INPP4B: variants seen among roughly 807,000 people sequenced by gnomAD.
INPP4B encodes the protein inositol polyphosphate 4-phosphatase type II.
INPP4B carries 55 observed loss-of-function variants against 122.5 expected under a neutral mutation model. The observed-to-expected ratio is 0.45, with a 90% CI of 0.36 to 0.56. The LOEUF (loss-of-function observed/expected upper bound fraction) is 0.56. INPP4B is among the 20% of genes least tolerant of loss of function. The pLI is 0.00. For synonymous variants in INPP4B, 403 were observed against 388.7 expected, an observed-to-expected ratio of 1.04 and a Z score of -0.43; for missense variants, 1,000 against 1,097.7, an observed-to-expected ratio of 0.91 and a Z score of 1.26.
chr4:142,834,295 T>C (rs1177776215), intron 1 of INPP4B, among the ~76,000 whole-genome samples: 1 of 152,202 alleles, frequency 6.6e-6, no homozygotes, highest in Admixed American at 6.6e-5. Context: ...TCTGAGGTGA[T>C]TATTATTCGT....
intron 1 of INPP4B, among the ~76,000 whole-genome samples, chr4:142,740,068 A>G (rs998192800): frequency 2.6e-5 from 4 of 152,052 alleles, no homozygotes; most frequent in African/African-American, 9.7e-5. Flanking sequence ...AGAGGAATTA[A>G]CATTTTAAAA....
At chr4:142,288,736 C>A (rs1026363541) in intron 9 of INPP4B, among the ~76,000 whole-genome samples, 1 of 151,946 alleles carries the variant, frequency 6.6e-6, no homozygotes, top group Non-Finnish European at 1.5e-5. Flanking sequence ...AACATAACAG[C>A]GATATAGTAT....
In INPP4B at chr4:142,223,648, A is replaced by G. The variant is rs116390576; in HGVS notation, c.836+14216T>C. On this transcript the variant is annotated intron_variant, in intron 12 of 25. Transcript: ENST00000262992. ...TAAGTGATACCAGGAATCCATAACA[A>G]TGAACTTAATGACACACAGCATCTG... 4.9e-3 allele frequency among the ~76,000 whole-genome samples: 741 copies of G among 152,304 alleles called. 9 individuals are homozygous for G. The highest frequency in any genetic ancestry group is 0.017 in the African/African-American group (707 of 41,556).
chr4:142,646,426 A>C (rs1751789745), intron 2 of INPP4B, among the ~76,000 whole-genome samples: 1 of 152,208 alleles, frequency 6.6e-6, no homozygotes, highest in South Asian at 2.1e-4. Flanking sequence ...ATAGTATCAG[A>C]TTTCTTTATA....
At chr4:142,269,817 A>G (rs943388619) in intron 10 of INPP4B, among the ~76,000 whole-genome samples, 2 of 152,168 alleles carry the variant, frequency 1.3e-5, no homozygotes, top group African/African-American at 4.8e-5. Flanking sequence ...ATTACATTGT[A>G]CCCCAGAAGT....
chr4:142,345,716 CA>C (rs143170989), intron 7 of INPP4B, among the ~76,000 whole-genome samples: 16,862 of 151,534 alleles, frequency 0.11, 995 homozygotes, highest in East Asian at 0.18. Context: ...AGAGTAAAAA[CA>C]AAAAAATAGA....
intron 21 of INPP4B, among the ~76,000 whole-genome samples, chr4:142,117,656 C>T (rs1005422975): frequency 1.3e-5 from 2 of 152,062 alleles, no homozygotes; most frequent in Non-Finnish European, 2.9e-5. Context: ...ATCGATGGGA[C>T]GTATCTCAAA....
intron 25 of INPP4B, among the ~76,000 whole-genome samples, chr4:142,052,634 C>T (rs998341708): frequency 7.3e-5 from 11 of 151,292 alleles, no homozygotes; most frequent in Non-Finnish European, 1.5e-4. Flanking sequence ...CCTTTTTTCC[C>T]ATTTGGGCAT....
chr4:142,589,217 A>G lies in INPP4B; in HGVS notation c.-190-126491T>C, dbSNP rs138073677. Among the ~76,000 whole-genome samples the G allele has an allele frequency of 8.3e-4, 126 of 152,190 alleles. 2 individuals carry two copies. Among genetic ancestry groups the G allele is most frequent in the Middle Eastern group, 3.4e-3 (1 of 294 alleles). ...CCTAAATGTAGAATATAAAAGCTAT[A>G]CTCGATGTCCTTTTATTTGGTGGTG... On this transcript the variant is annotated intron_variant, in intron 2 of 25. Transcript: ENST00000262992.
chr4:142,838,120 C>A (rs993594960), intron 1 of INPP4B, among the ~76,000 whole-genome samples: 4 of 150,872 alleles, frequency 2.7e-5, no homozygotes, highest in Non-Finnish European at 5.9e-5. Context: ...ATCAATAATT[C>A]AATTGAATTG....
chr4:142,432,547 T>C (rs1284209518), intron 3 of INPP4B, among the ~76,000 whole-genome samples: 1 of 152,154 alleles, frequency 6.6e-6, no homozygotes, highest in Non-Finnish European at 1.5e-5. Flanking sequence ...TTGAACATTA[T>C]GTTTTGAATT....
intron 7 of INPP4B, among the ~76,000 whole-genome samples, chr4:142,319,449 C>T (rs956148725): frequency 2.6e-5 from 4 of 152,156 alleles, no homozygotes; most frequent in African/African-American, 9.7e-5. Flanking sequence ...GAAGGAGACA[C>T]ATAAGTGTCT....
intron 17 of INPP4B, among the ~76,000 whole-genome samples, chr4:142,150,138 AG>A (rs1276698318): frequency 6.6e-6 from 1 of 152,218 alleles, no homozygotes; most frequent in African/African-American, 2.4e-5. Context: ...GCCAGTCCAC[AG>A]GGGAAATGCC....
At chr4:142,383,154 T>C (rs1241198084) in intron 7 of INPP4B, among the ~76,000 whole-genome samples, 2 of 152,164 alleles carry the variant, frequency 1.3e-5, no homozygotes, top group Admixed American at 1.3e-4. Context: ...GGTCCGAGTA[T>C]AATTTTTTTC....
chr4:142,064,625 C>CT (rs1214053448), intron 25 of INPP4B, among the ~76,000 whole-genome samples: 2 of 151,942 alleles, frequency 1.3e-5, no homozygotes, highest in African/African-American at 4.8e-5. Flanking sequence ...GCATTTTTCC[C>CT]TTTTTTTCTG....
chr4:142,481,076 A>C (rs1243620013), intron 2 of INPP4B, among the ~76,000 whole-genome samples: 1 of 148,912 alleles, frequency 6.7e-6, no homozygotes, highest in Non-Finnish European at 1.5e-5. Flanking sequence ...CAGAGGTTTC[A>C]GTGAACCAAG....
intron 12 of INPP4B, among the ~76,000 whole-genome samples, chr4:142,214,523 G>T (rs1299335341): frequency 6.6e-6 from 1 of 152,156 alleles, no homozygotes; most frequent in African/African-American, 2.4e-5. Flanking sequence ...TTAATGATAG[G>T]TGAATCATAA....
intron 2 of INPP4B, among the ~76,000 whole-genome samples, chr4:142,664,188 A>C (rs963412873): frequency 6.6e-6 from 1 of 152,124 alleles, no homozygotes; most frequent in Non-Finnish European, 1.5e-5. Context: ...CTACTCACCA[A>C]CATACATGCC....
At chr4:142,445,189 G>T (rs1256185413) in intron 3 of INPP4B, among the ~76,000 whole-genome samples, 1 of 150,110 alleles carries the variant, frequency 6.7e-6, no homozygotes, top group Non-Finnish European at 1.5e-5. Context: ...AATAAAAAAA[G>T]AAAAAAAAAT....
Sources: allele counts gnomAD v4.1 joint callset (sites outside exome capture counted in the v4.1 genomes callset), GRCh38; gene constraint gnomAD v4.1.1; transcripts MANE v1.5; gene names NCBI Gene and HGNC (gene_info 2026-07-23, HGNC 2026-07-21).